MAN2B2: variants seen among roughly 807,000 people sequenced by gnomAD.
The protein encoded by MAN2B2 is mannosidase alpha class 2B member 2.
In MAN2B2, 106 loss-of-function variants were observed where a neutral mutation model predicts 117.1. The observed-to-expected ratio is 0.90, with a 90% CI of 0.77 to 1.06. The LOEUF (loss-of-function observed/expected upper bound fraction) is 1.06. Ranked by LOEUF, MAN2B2 falls within the 50% of genes least tolerant of loss-of-function variation. The pLI is 0.00. For synonymous variants in MAN2B2, 544 were observed against 595.1 expected, an observed-to-expected ratio of 0.91 and a Z score of 1.25; for missense variants, 1,326 against 1,381.4, an observed-to-expected ratio of 0.96 and a Z score of 0.64.
chr4:6,621,149 T>C (rs2108763195), intron 18 of MAN2B2, 39 bp from the exon 19 acceptor site: 1 of 1,513,974 alleles, frequency 6.6e-7, no homozygotes, highest in Non-Finnish European at 9.2e-7. Flanking sequence ...GGAGGAGGCA[T>C]CCCAGGCCAC....
intron 18 of MAN2B2, chr4:6,620,728 G>T: frequency 6.1e-6 from 1 of 164,924 alleles, no homozygotes; most frequent in Non-Finnish European, 1.3e-5. Context: ...AAGGAAGGAA[G>T]ATGGATGAGT....
At chr4:6,611,552 T>C (rs1432591993) in intron 15 of MAN2B2, among the ~76,000 whole-genome samples, 1 of 147,552 alleles carries the variant, frequency 6.8e-6, no homozygotes, top group Non-Finnish European at 1.5e-5. Context: ...TTTTCTTCTC[T>C]GATGTATCTT....
intron 7 of MAN2B2, among the ~76,000 whole-genome samples, chr4:6,595,805 G>T (rs1343370927): frequency 2.6e-5 from 4 of 152,184 alleles, no homozygotes; most frequent in African/African-American, 9.6e-5. Flanking sequence ...TTCTGGCCTG[G>T]GCACTGCCTT....
Position 6,609,302 on chromosome 4 carries a change from C to G in MAN2B2, c.2006+4C>G. On this transcript the variant is annotated splice_donor_region_variant and intron_variant, in intron 12 of 18. Coordinates refer to ENST00000285599, the MANE Select transcript of MAN2B2 (RefSeq NM_015274.3). ...AGATCCGGCAGTACTTCTACAGGTG[C>G]TTCCCCTGGGGTGACCCCCACAGCC... The G allele has an allele frequency of 6.2e-7, 1 of 1,612,870 alleles. No homozygotes were observed. Among genetic ancestry groups the G allele is most frequent in the South Asian group, 1.1e-5 (1 of 90,950 alleles).
chr4:6,577,773 C>T (rs1260712047), intron 2 of MAN2B2, among the ~76,000 whole-genome samples: 1 of 152,234 alleles, frequency 6.6e-6, no homozygotes, highest in East Asian at 1.9e-4. Context: ...GCCTGCATGG[C>T]CCAGTGAAGA....
intron 3 of MAN2B2, among the ~76,000 whole-genome samples, chr4:6,578,863 C>T (rs1176060781): frequency 6.6e-6 from 1 of 151,958 alleles, no homozygotes; most frequent in Non-Finnish European, 1.5e-5. Context: ...AAATAAAGCA[C>T]TTTAGTAGGA....
chr4:6,585,467 GT>G (rs1726595341), intron 3 of MAN2B2, among the ~76,000 whole-genome samples: 1 of 152,184 alleles, frequency 6.6e-6, no homozygotes, highest in Non-Finnish European at 1.5e-5. Context: ...CAAGTCTGGG[GT>G]TTTCTTTTTC....
chr4:6,590,574 A>T (rs73089183), intron 5 of MAN2B2, among the ~76,000 whole-genome samples: 3,220 of 152,196 alleles, frequency 0.021, 113 homozygotes, highest in African/African-American at 0.074. Context: ...CCTCCAGGGC[A>T]CTGTCCAGTG....
rs755558768 is a variant in MAN2B2, at chr4:6,587,090, A to G, written c.486A>G (p.Leu162=). The change falls in exon 4 of 19, where the codon CTA becomes CTG. Residue 162 remains leucine (L), a synonymous_variant. Transcript: ENST00000285599. ...PFGASATTPT[L]FALAGFNAHL... ...GCGCCTCTGCCACGACGCCCACCCT[A>G]TTTGCGCTGGCGGGCTTCAATGCCC... 6.2e-7 allele frequency: 1 copy of G among 1,613,926 alleles called. No homozygotes were observed. The highest frequency in any genetic ancestry group is 8.5e-7 in the Non-Finnish European group (1 of 1,179,982).
In MAN2B2 at chr4:6,587,182, C is replaced by A; in HGVS notation, c.564+14C>A. On this transcript the variant is annotated intron_variant, in intron 4 of 18. Transcript: ENST00000285599. ...CAGGAGGCCCGGGTGAGTGGTGTGC[C>A]GCGTCTGCTGCCGCCCAGCGACCGC... 6.2e-7 allele frequency: 1 copy of A among 1,606,378 alleles called. No individual in the cohort carries two copies. The highest frequency in any genetic ancestry group is 1.1e-5 in the South Asian group (1 of 90,690).
chr4:6,582,048 T>A (rs896552935), intron 3 of MAN2B2, among the ~76,000 whole-genome samples: 11 of 150,870 alleles, frequency 7.3e-5, no homozygotes, highest in African/African-American at 2.7e-4. Flanking sequence ...GAGTGGCAGG[T>A]GCCAGAGGGA....
Position 6,610,939 on chromosome 4 carries a change from G to C in MAN2B2, c.2319G>C (p.Leu773Phe), listed in dbSNP as rs1727742763. 4 of 1,614,210 alleles carry C rather than the reference G, an allele frequency of 2.5e-6. No homozygotes were observed. In the East Asian group the frequency reaches 8.9e-5, roughly 36 times the overall value. The change falls in exon 14 of 19, where the codon TTG (leucine) becomes TTC (phenylalanine). Residue 773 changes from leucine to phenylalanine, a missense_variant. Physicochemically the swap from Leu to Phe is conservative, Grantham distance 22. Coordinates refer to ENST00000285599, the MANE Select transcript of MAN2B2 (RefSeq NM_015274.3). ...FMEDGKSRLV[L>F]LSERAHGISS... ...AGGATGGCAAAAGCAGGCTTGTGTT[G>C]CTGTCGGAGCGGGCACATGGCATCT...
intron 3 of MAN2B2, among the ~76,000 whole-genome samples, chr4:6,579,961 G>C (rs746805039): frequency 9.2e-5 from 14 of 152,232 alleles, no homozygotes; most frequent in Admixed American, 3.3e-4. Context: ...TCTCTCCAGG[G>C]TAGATGGCCA....
Position 6,609,179 on chromosome 4 carries a change from C to T in MAN2B2, c.1887C>T (p.Gly629=), listed in dbSNP as rs1400917402. The T allele has an allele frequency of 1.2e-6, 2 of 1,614,196 alleles. No homozygotes were observed. Residue 629 remains glycine, a synonymous_variant, in exon 12 of 19, where the codon GGC becomes GGT. Transcript: ENST00000285599. Reference sequence around the variant, plus strand: ...ACGTCAACGGGGATGTGAAACAGGGCCCCATTTCCGATAACTACCTGTTCA... The same window carrying T: ...ACGTCAACGGGGATGTGAAACAGGGTCCCATTTCCGATAACTACCTGTTCA... ...EYHVNGDVKQ[G]PISDNYLFTP...
intron 16 of MAN2B2, among the ~76,000 whole-genome samples, chr4:6,615,792 CCTGT>C: frequency 6.6e-6 from 1 of 151,512 alleles, no homozygotes; most frequent in Middle Eastern, 3.4e-3. Flanking sequence ...AGAGCAAGAC[CCTGT>C]CTCTAAAAAA....
chr4:6,614,099 A>C (rs1711731871), intron 15 of MAN2B2, 119 bp from the exon 16 acceptor site: 2 of 1,312,106 alleles, frequency 1.5e-6, no homozygotes, highest in South Asian at 2.8e-5. Flanking sequence ...TAGGCTACCC[A>C]CAAGGATGCA....
rs145426147 is a variant in MAN2B2, at chr4:6,581,256, CT to C, written c.391+2759del. Among the ~76,000 whole-genome samples, 1,164 of 152,306 alleles carry C rather than the reference CT, an allele frequency of 7.6e-3. 15 individuals carry two copies. The highest frequency in any genetic ancestry group is 0.026 in the African/African-American group (1,065 of 41,570). On this transcript the variant is annotated intron_variant, in intron 3 of 18. Coordinates refer to ENST00000285599, the MANE Select transcript of MAN2B2 (RefSeq NM_015274.3). ...GAAGGTTACTTGTGGCTGAGCCCCT[CT>C]CACTGGCGGCTGAGCCAAGCCCTTT...
Position 6,609,950 on chromosome 4 carries a change from G to C in MAN2B2, c.2159G>C (p.Ser720Thr), listed in dbSNP as rs780768287. ...AACCGTGAGGCTGTCCTGAGGACCA[G>C]CACCAACCTAAACAGCCAGCAGGTC... ...ELNREAVLRT[S>T]TNLNSQQVIY... is the part of the protein sequence containing the mutation. The change falls in exon 13 of 19, where the codon AGC (serine) becomes ACC (threonine). Residue 720 changes from serine (S) to threonine (T), a missense_variant. Coordinates refer to ENST00000285599, the MANE Select transcript of MAN2B2 (RefSeq NM_015274.3). 2 of 1,614,176 alleles carry C rather than the reference G, an allele frequency of 1.2e-6. No individual in the cohort carries two copies. Among genetic ancestry groups the C allele is most frequent in the South Asian group, 1.1e-5 (1 of 91,086 alleles).
intron 5 of MAN2B2, among the ~76,000 whole-genome samples, chr4:6,590,345 A>C (rs1040052544): frequency 6.6e-6 from 1 of 151,102 alleles, no homozygotes; most frequent in African/African-American, 2.4e-5. Flanking sequence ...ATATTGCACC[A>C]CTTGCACTCC....
Sources: allele counts gnomAD v4.1 joint callset (sites outside exome capture counted in the v4.1 genomes callset), GRCh38; gene constraint gnomAD v4.1.1; transcripts MANE v1.5; gene names NCBI Gene and HGNC (gene_info 2026-07-23, HGNC 2026-07-21).